Variants in DDX10 observed in about 807,000 individuals in gnomAD.
DDX10 encodes the protein DEAD-box helicase 10, also known as probable ATP-dependent RNA helicase DDX10.
DDX10 carries 74 observed loss-of-function variants against 104.3 expected under a neutral mutation model. That is an observed-to-expected ratio of 0.71 (90% CI 0.59 to 0.86). The LOEUF (loss-of-function observed/expected upper bound fraction) is 0.86, where lower values mean the gene tolerates loss of function less well. DDX10 is among the 40% of genes least tolerant of loss of function. The pLI is 0.00. For synonymous variants in DDX10, 351 were observed against 353.4 expected (o/e 0.99, Z 0.08); for missense variants, 952 against 1,040.0 (o/e 0.92, Z 1.16).
At chr11:108,836,298 G>A (rs926141328) in intron 13 of DDX10, among the ~76,000 whole-genome samples, 11 of 152,170 alleles carry the variant, frequency 7.2e-5, no homozygotes, top group African/African-American at 2.4e-4. Flanking sequence ...TACAAAGTCA[G>A]TGTTTTAGTA....
intron 13 of DDX10, among the ~76,000 whole-genome samples, chr11:108,736,789 C>T (rs762356615): frequency 3.9e-5 from 6 of 152,128 alleles, no homozygotes; most frequent in Non-Finnish European, 5.9e-5. Flanking sequence ...ACTTCCCAGC[C>T]TCCAGAACTT....
In DDX10 at chr11:108,940,200, AT is replaced by A. The variant is rs764093628; in HGVS notation, c.2451-43del. 1.3e-5 allele frequency: 20 copies of A among 1,585,694 alleles called. No individual in the cohort carries two copies. The South Asian group carries it at 2.3e-4, about 18-fold the overall frequency. ...AATTTTGTCCTATTTTAAATGTTTG[AT>A]TTCATACTGAGTCTAAAGTAAATCT... On this transcript the variant is annotated intron_variant, in intron 17 of 17. Transcript: ENST00000322536.
chr11:108,766,041 C>G (rs1187233415), intron 13 of DDX10, among the ~76,000 whole-genome samples: 1 of 152,162 alleles, frequency 6.6e-6, no homozygotes, highest in African/African-American at 2.4e-5. Flanking sequence ...TAGTGTTTTA[C>G]TTTTAAAAAT....
At chr11:108,881,225 G>A (rs1416015432) in intron 16 of DDX10, among the ~76,000 whole-genome samples, 1 of 152,080 alleles carries the variant, frequency 6.6e-6, no homozygotes, top group Non-Finnish European at 1.5e-5. Flanking sequence ...CTCCAAGATG[G>A]GGAGGCTGTT....
chr11:108,923,830 T>C (rs1863872765), intron 17 of DDX10, among the ~76,000 whole-genome samples: 1 of 152,180 alleles, frequency 6.6e-6, no homozygotes, highest in Admixed American at 6.5e-5. Flanking sequence ...GTGTCTACAC[T>C]AAATCGGTCT....
At chr11:108,793,472 C>G (rs1861898088) in intron 13 of DDX10, among the ~76,000 whole-genome samples, 1 of 152,150 alleles carries the variant, frequency 6.6e-6, no homozygotes, top group South Asian at 2.1e-4. Context: ...ACCCAGGGGT[C>G]TAGTGCCAAG....
At chr11:108,819,281 A>G (rs949532149) in intron 13 of DDX10, among the ~76,000 whole-genome samples, 5 of 152,008 alleles carry the variant, frequency 3.3e-5, no homozygotes, top group African/African-American at 7.2e-5. Flanking sequence ...TTTTACCTCT[A>G]CTTGTAATTA....
At chr11:108,877,860 A>G (rs1863173223) in intron 16 of DDX10, among the ~76,000 whole-genome samples, 1 of 152,156 alleles carries the variant, frequency 6.6e-6, no homozygotes, top group South Asian at 2.1e-4. Flanking sequence ...TTATCTCATC[A>G]TTTGAAGTGA....
At chr11:108,879,241 C>A (rs1863194798) in intron 16 of DDX10, among the ~76,000 whole-genome samples, 1 of 152,124 alleles carries the variant, frequency 6.6e-6, no homozygotes, top group African/African-American at 2.4e-5. Context: ...ACCTCGTGAT[C>A]TGCCTGCCTC....
At chr11:108,673,403 A>C in intron 1 of DDX10, 64 bp from the exon 2 acceptor site, 5 of 1,059,590 alleles carry the variant, frequency 4.7e-6, no homozygotes, top group South Asian at 1.3e-5. Flanking sequence ...AATACAATGT[A>C]GAGAAGAAAT....
At chr11:108,925,736 T>C (rs1471118214) in intron 17 of DDX10, among the ~76,000 whole-genome samples, 1 of 152,192 alleles carries the variant, frequency 6.6e-6, no homozygotes, top group African/African-American at 2.4e-5. Flanking sequence ...GTAATTTTAA[T>C]GGGTTTTAAT....
At chr11:108,858,630 T>C (rs953424201) in intron 16 of DDX10, among the ~76,000 whole-genome samples, 1 of 152,204 alleles carries the variant, frequency 6.6e-6, no homozygotes, top group Non-Finnish European at 1.5e-5. Context: ...AGATTCTTAA[T>C]ATTAAAACAA....
intron 15 of DDX10, among the ~76,000 whole-genome samples, chr11:108,849,167 G>A (rs926685124): frequency 6.6e-6 from 1 of 152,014 alleles, no homozygotes; most frequent in African/African-American, 2.4e-5. Context: ...TGGAGGGCAG[G>A]GGATATCTTT....
chr11:108,771,504 C>A (rs534215434), intron 13 of DDX10, among the ~76,000 whole-genome samples: 4 of 152,248 alleles, frequency 2.6e-5, no homozygotes, highest in African/African-American at 9.6e-5. Flanking sequence ...GCCACCACGT[C>A]CAGCTAATTT....
intron 13 of DDX10, among the ~76,000 whole-genome samples, chr11:108,753,078 CTAT>C (rs137991294): frequency 0.15 from 23,187 of 151,902 alleles, 1,923 homozygotes; most frequent in East Asian, 0.26. Flanking sequence ...TGACCAGTGA[CTAT>C]TAGGAGTCTT....
chr11:108,855,708 C>T (rs1300807762), intron 16 of DDX10, among the ~76,000 whole-genome samples: 2 of 152,142 alleles, frequency 1.3e-5, no homozygotes, highest in African/African-American at 4.8e-5. Flanking sequence ...ATCCACCCTC[C>T]TCGGCCTCCC....
chr11:108,879,253 G>A (rs1407616244), intron 16 of DDX10, among the ~76,000 whole-genome samples: 5 of 152,040 alleles, frequency 3.3e-5, no homozygotes, highest in African/African-American at 7.2e-5. Context: ...GCCTGCCTCG[G>A]CCTCCCAAAG....
intron 17 of DDX10, among the ~76,000 whole-genome samples, chr11:108,926,846 TTC>T (rs1296195076): frequency 6.6e-6 from 1 of 152,202 alleles, no homozygotes; most frequent in Non-Finnish European, 1.5e-5. Flanking sequence ...CTGAGAATGT[TTC>T]AGATGATCAC....
chr11:108,721,865 C>G (rs1415386307), intron 12 of DDX10, among the ~76,000 whole-genome samples: 1 of 152,056 alleles, frequency 6.6e-6, no homozygotes, highest in East Asian at 1.9e-4. Context: ...GTTTTGGTAG[C>G]TGAGAGAGAC....
Sources: gnomAD v4.1 joint callset for allele counts (sites outside exome capture counted in the v4.1 genomes callset) on GRCh38, gnomAD v4.1.1 for gene constraint, MANE v1.5 for transcripts, NCBI Gene and HGNC (gene_info 2026-07-23, HGNC 2026-07-21) for gene names.